LTBP1: variants seen among roughly 807,000 people sequenced by gnomAD.
The protein encoded by LTBP1 is latent transforming growth factor beta binding protein 1, also known as latent-transforming growth factor beta-binding protein 1.
LTBP1 carries 129 observed loss-of-function variants against 207.6 expected under a neutral mutation model. The ratio of observed to expected loss-of-function variants is 0.62; its 90% confidence interval spans 0.54 to 0.72. The LOEUF (loss-of-function observed/expected upper bound fraction) is 0.72. Ranked by LOEUF, LTBP1 falls within the 30% of genes least tolerant of loss-of-function variation. The probability of loss-of-function intolerance (pLI) is 0.00; values close to 1 mark genes in which losing one functional copy is unlikely to be tolerated. For missense variants in LTBP1, 2,281 were observed against 2,217.2 expected (o/e 1.03, Z -0.58); for synonymous variants, 963 against 833.7 (o/e 1.16, Z -2.67).
intron 20 of LTBP1, among the ~76,000 whole-genome samples, chr2:33,293,531 T>A (rs887759224): frequency 6.6e-6 from 1 of 151,948 alleles, no homozygotes; most frequent in Middle Eastern, 3.4e-3. Flanking sequence ...TTCATCTAAA[T>A]TTTTTTTTCT....
intron 7 of LTBP1, among the ~76,000 whole-genome samples, chr2:33,200,097 A>C (rs535361856): frequency 6.6e-6 from 1 of 152,182 alleles, no homozygotes; most frequent in East Asian, 1.9e-4. Flanking sequence ...GCTACCAATG[A>C]CTTTCTTCAC....
At chr2:33,251,415 C>G (rs530141433) in intron 10 of LTBP1, among the ~76,000 whole-genome samples, 68 of 152,248 alleles carry the variant, frequency 4.5e-4, no homozygotes, top group African/African-American at 1.5e-3. Flanking sequence ...AATCCCAGCA[C>G]TTTGGGAGGC....
At chr2:33,030,837 A>T (rs1253956440) in intron 3 of LTBP1, among the ~76,000 whole-genome samples, 2 of 152,198 alleles carry the variant, frequency 1.3e-5, no homozygotes, top group Admixed American at 1.3e-4. Context: ...GGTCTTATGA[A>T]GTGTGATCTT....
At chr2:33,220,048 A>G (rs2149402300) in intron 8 of LTBP1, among the ~76,000 whole-genome samples, 1 of 152,298 alleles carries the variant, frequency 6.6e-6, no homozygotes, top group African/African-American at 2.4e-5. Context: ...TTGGTGAAAA[A>G]AATCCATATG....
chr2:33,118,523 C>A (rs911726117), intron 4 of LTBP1, among the ~76,000 whole-genome samples: 1 of 152,156 alleles, frequency 6.6e-6, no homozygotes, highest in African/African-American at 2.4e-5. Context: ...GATGTTAGTA[C>A]TAAAGATTCC....
chr2:33,215,716 G>GTTTTTTTTTT lies in LTBP1; in HGVS notation c.1702-1830_1702-1829insTTTTTTTTTT, dbSNP rs1287189048. Among the ~76,000 whole-genome samples the GTTTTTTTTTT allele has an allele frequency of 7.2e-5, 10 of 139,068 alleles. 1 individual carries two copies. The highest frequency in any genetic ancestry group is 7.7e-3 in the Middle Eastern group (2 of 260). The allele number at this position is 139,068 out of a possible 152,430, so 91.2% of individuals were successfully genotyped here. A position where few individuals can be genotyped will look rare whatever the true frequency, so the allele number is the denominator to read the frequency against. On this transcript the variant is annotated intron_variant, in intron 7 of 33. Coordinates refer to ENST00000404816, the MANE Select transcript of LTBP1 (RefSeq NM_206943.4). ...GCTAAACTTCCATTGGTTTTCTTTT[G>GTTTTTTTTTT]TTTTTTGTTTTTTTTTTTTGAGATA...
intron 5 of LTBP1, among the ~76,000 whole-genome samples, chr2:33,155,288 A>T (rs900869444): frequency 6.6e-6 from 1 of 151,700 alleles, no homozygotes; most frequent in South Asian, 2.1e-4. Flanking sequence ...CTACTCTCGA[A>T]CTCCCGACCG....
intron 7 of LTBP1, among the ~76,000 whole-genome samples, chr2:33,189,872 A>G (rs1166365267): frequency 0.083 from 1 of 12 alleles, no homozygotes; most frequent in Non-Finnish European, 0.1. Flanking sequence ...CTAAAAATAC[A>G]AAAAATTAGC....
intron 2 of LTBP1, among the ~76,000 whole-genome samples, chr2:33,006,243 A>G (rs1207156481): frequency 6.6e-6 from 1 of 152,060 alleles, no homozygotes; most frequent in African/African-American, 2.4e-5. Context: ...GATTATTTAA[A>G]TTTATATTTG....
intron 3 of LTBP1, among the ~76,000 whole-genome samples, chr2:33,039,492 G>A (rs1023876272): frequency 1.3e-5 from 2 of 152,128 alleles, no homozygotes; most frequent in African/African-American, 4.8e-5. Flanking sequence ...TTCTGCTTTA[G>A]ACTCATCCCT....
chr2:33,266,138 C>T (rs1343746769), intron 15 of LTBP1, among the ~76,000 whole-genome samples: 21 of 152,206 alleles, frequency 1.4e-4, no homozygotes, highest in Admixed American at 1.2e-3. Flanking sequence ...GGCCTCTCCC[C>T]GCTGCCAGCG....
In LTBP1 at chr2:33,275,066, A is replaced by G; in HGVS notation, c.2845A>G (p.Ser949Gly). ...LCICPAGFMA[S>G]EEGTNCIDVD... is the part of the protein sequence containing the mutation. Reference sequence around the variant, plus strand: ...CATTTGCCCAGCAGGATTTATGGCCAGTGAGGAGGGTACTAACTGCATAGG... The same window carrying G: ...CATTTGCCCAGCAGGATTTATGGCCGGTGAGGAGGGTACTAACTGCATAGG... Residue 949 changes from serine to glycine, a missense_variant, in exon 17 of 34, where the codon AGT becomes GGT. Around this residue, in one of 3 missense-constraint regions of LTBP1, gnomAD observed 1,671 missense variants for 1,634.8 expected, o/e 1.02. Coordinates refer to ENST00000404816, the MANE Select transcript of LTBP1 (RefSeq NM_206943.4). 6.2e-7 allele frequency: 1 copy of G among 1,614,060 alleles called. No individual in the cohort carries two copies. The highest frequency in any genetic ancestry group is 8.5e-7 in the Non-Finnish European group (1 of 1,179,936).
At chr2:33,209,468 G>A (rs1326204156) in intron 7 of LTBP1, among the ~76,000 whole-genome samples, 1 of 152,100 alleles carries the variant, frequency 6.6e-6, no homozygotes, top group Non-Finnish European at 1.5e-5. Context: ...CCGCTTGAAC[G>A]TCAATATTTA....
intron 24 of LTBP1, among the ~76,000 whole-genome samples, chr2:33,338,659 T>G (rs1267798791): frequency 6.6e-6 from 1 of 152,154 alleles, no homozygotes; most frequent in Non-Finnish European, 1.5e-5. Flanking sequence ...TCTCTTGGGC[T>G]GACTCCTGAA....
intron 9 of LTBP1, among the ~76,000 whole-genome samples, chr2:33,226,400 T>C (rs1010928588): frequency 1.3e-5 from 2 of 152,226 alleles, no homozygotes; most frequent in African/African-American, 2.4e-5. Flanking sequence ...GGTTTTTGGC[T>C]CTGCTCAGGA....
intron 3 of LTBP1, among the ~76,000 whole-genome samples, chr2:33,079,859 A>G (rs1007998927): frequency 6.6e-6 from 1 of 152,192 alleles, no homozygotes; most frequent in South Asian, 2.1e-4. Flanking sequence ...TTTCATATGT[A>G]CATACGTTCT....
At chr2:33,280,016 G>T in intron 18 of LTBP1, 23 bp from the exon 19 acceptor site, 1 of 1,612,166 alleles carries the variant, frequency 6.2e-7, no homozygotes, top group South Asian at 1.1e-5. Context: ...AAATGTTCAC[G>T]ACCTAGGTTT....
At chr2:32,974,281 A>G (rs1043715902) in intron 2 of LTBP1, among the ~76,000 whole-genome samples, 6 of 152,154 alleles carry the variant, frequency 3.9e-5, no homozygotes, top group Non-Finnish European at 5.9e-5. Context: ...ATTTTTTCAT[A>G]TAAGCCATTT....
chr2:33,132,323 T>G (rs2081861493), intron 4 of LTBP1, among the ~76,000 whole-genome samples: 1 of 151,852 alleles, frequency 6.6e-6, no homozygotes, highest in Non-Finnish European at 1.5e-5. Flanking sequence ...GATTCTGTTG[T>G]TTTTTTTGAA....
Sources: gnomAD v4.1 joint callset for allele counts (sites outside exome capture counted in the v4.1 genomes callset) on GRCh38, gnomAD v4.1.1 for gene constraint, gnomAD v4.1.1 regional missense constraint, MANE v1.5 for transcripts, NCBI Gene and HGNC (gene_info 2026-07-23, HGNC 2026-07-21) for gene names.